VRK2: variants seen among roughly 807,000 people sequenced by gnomAD.
VRK2 encodes VRK serine/threonine kinase 2.
Under a neutral mutation model 57.6 loss-of-function variants are expected in VRK2, and 60 were observed. The observed-to-expected ratio is 1.04, with a 90% confidence interval of 0.85 to 1.29. The LOEUF is 1.29. Ranked by LOEUF, VRK2 falls within the 50% of genes most tolerant of loss-of-function variation. The probability of loss-of-function intolerance (pLI) is 0.00; values close to 1 mark genes in which losing one functional copy is unlikely to be tolerated. For synonymous variants in VRK2, 231 were observed against 199.2 expected, an observed-to-expected ratio of 1.16 and a Z score of -1.35; for missense variants, 705 against 588.1, an observed-to-expected ratio of 1.20 and a Z score of -2.06.
chr2:58,111,243 T>G (rs1675524162), intron 7 of VRK2, among the ~76,000 whole-genome samples: 1 of 152,116 alleles, frequency 6.6e-6, no homozygotes, highest in South Asian at 2.1e-4. Context: ...TGTTAAATGT[T>G]GATAATGACA....
At chr2:57,961,029 T>C (rs1671741755) in intron 1 of VRK2, among the ~76,000 whole-genome samples, 1 of 152,122 alleles carries the variant, frequency 6.6e-6, no homozygotes, top group Non-Finnish European at 1.5e-5. Flanking sequence ...GATATGGAAA[T>C]GGTAAAAATA....
At chr2:58,157,888 A>G (rs896241115) in intron 12 of VRK2, among the ~76,000 whole-genome samples, 1 of 152,196 alleles carries the variant, frequency 6.6e-6, no homozygotes, top group Non-Finnish European at 1.5e-5. Context: ...CTCTGTTCCA[A>G]TAAAACTTTA....
chr2:57,971,868 T>A (rs1227384321), intron 1 of VRK2, among the ~76,000 whole-genome samples: 1 of 151,934 alleles, frequency 6.6e-6, no homozygotes, highest in Non-Finnish European at 1.5e-5. Context: ...TCCTTAGCAA[T>A]CTCAAAGGTA....
At chr2:57,967,789 A>C (rs879850067) in intron 1 of VRK2, among the ~76,000 whole-genome samples, 7 of 150,920 alleles carry the variant, frequency 4.6e-5, no homozygotes, top group Non-Finnish European at 7.4e-5. Context: ...AAATAAAAAT[A>C]TTTGAAGGAT....
At chr2:57,925,877 T>C (rs1042696496) in intron 1 of VRK2, among the ~76,000 whole-genome samples, 2 of 151,972 alleles carry the variant, frequency 1.3e-5, no homozygotes, top group African/African-American at 4.8e-5. Context: ...CTATAAACTT[T>C]CCTCTTAGCG....
In VRK2 at chr2:58,159,395, T is replaced by A. The variant is rs1215440566; in HGVS notation, c.1229T>A (p.Leu410Ter). The stretch of plus-strand genomic sequence containing the variant: ...AAATATCAAGAGTCTCAAGAACCTT[T>A]GAATGAAGTAAACAGTTTCCCACAA... ...RQKYQESQEPLNEVNSFPQKI... is the reference protein window; with the variant it reads ...RQKYQESQEP The change falls in exon 13 of 13, where the codon TTG becomes TAG. Residue 410 changes from leucine (L) to a stop codon, truncating the protein, a stop_gained. Transcript: ENST00000340157. LOFTEE classifies it low-confidence loss of function (END_TRUNC). 1.1e-5 allele frequency: 18 copies of A among 1,613,040 alleles called. No individual in the cohort carries two copies. Among genetic ancestry groups the A allele is most frequent in the Non-Finnish European group, 1.5e-5 (18 of 1,179,632 alleles).
intron 1 of VRK2, among the ~76,000 whole-genome samples, chr2:57,931,057 T>G (rs943227562): frequency 6.6e-6 from 1 of 152,164 alleles, no homozygotes; most frequent in Non-Finnish European, 1.5e-5. Flanking sequence ...AAGGGACAAT[T>G]AAGTTGCTTC....
chr2:58,042,425 G>A (rs548608132), upstream of VRK2, among the ~76,000 whole-genome samples: 52 of 152,210 alleles, frequency 3.4e-4, no homozygotes, highest in Admixed American at 1.2e-3. Flanking sequence ...AGTGCAAATG[G>A]CCTCCTGATT....
At chr2:58,011,255 T>A (rs1322680070) in intron 1 of VRK2, among the ~76,000 whole-genome samples, 2 of 152,206 alleles carry the variant, frequency 1.3e-5, no homozygotes, top group Admixed American at 6.5e-5. Flanking sequence ...GCCATATTGG[T>A]TAGACAGAGA....
chr2:58,049,667 T>C (rs1675412470), intron 2 of VRK2, among the ~76,000 whole-genome samples: 1 of 152,028 alleles, frequency 6.6e-6, no homozygotes, highest in African/African-American at 2.4e-5. Flanking sequence ...ATAAGGAAAA[T>C]AGTAGTGATT....
chr2:58,108,825 T>C (rs1358933528), intron 7 of VRK2, among the ~76,000 whole-genome samples: 1 of 152,210 alleles, frequency 6.6e-6, no homozygotes, highest in Non-Finnish European at 1.5e-5. Flanking sequence ...GGAAAATAAC[T>C]CAGAACTTCT....
chr2:58,073,392 G>A (rs986395962), intron 2 of VRK2, among the ~76,000 whole-genome samples: 9 of 151,844 alleles, frequency 5.9e-5, no homozygotes, highest in Admixed American at 2.0e-4. Flanking sequence ...GTCAATTACT[G>A]ATGGAAGTGT....
chr2:58,018,388 T>A (rs562322985), intron 1 of VRK2, among the ~76,000 whole-genome samples: 1 of 152,226 alleles, frequency 6.6e-6, no homozygotes, highest in Non-Finnish European at 1.5e-5. Context: ...TCGTACCTTG[T>A]TAATTCTAAA....
At chr2:58,056,650 G>A (rs13432045) in intron 2 of VRK2, among the ~76,000 whole-genome samples, 3 of 152,100 alleles carry the variant, frequency 2.0e-5, no homozygotes, top group East Asian at 1.9e-4. Context: ...TCTGCATCAC[G>A]TGTTTGAGGA....
chr2:58,086,215 AAAAAT>A, intron 4 of VRK2, 119 bp from the exon 5 acceptor site: 1 of 806,116 alleles, frequency 1.2e-6, no homozygotes, highest in African/African-American at 1.8e-5. Flanking sequence ...TTGATTGAAA[AAAAAT>A]TATCTTCTAG....
intron 4 of VRK2, 196 bp downstream of exon 4, chr2:58,085,146 T>C (rs886395333): frequency 1.2e-5 from 2 of 166,642 alleles, no homozygotes; most frequent in Admixed American, 6.6e-5. Context: ...ACATAATGGG[T>C]TATATATTTT....
intron 2 of VRK2, among the ~76,000 whole-genome samples, chr2:58,073,295 G>C (rs1669606096): frequency 6.6e-6 from 1 of 152,020 alleles, no homozygotes; most frequent in Admixed American, 6.6e-5. Context: ...TGTTGGATGA[G>C]GTATTCTGTA....
chr2:57,976,818 T>A (rs1672265529), intron 1 of VRK2, among the ~76,000 whole-genome samples: 1 of 152,122 alleles, frequency 6.6e-6, no homozygotes, highest in Non-Finnish European at 1.5e-5. Context: ...CAATGGTATG[T>A]GCTAGATTGT....
At chr2:58,063,245 T>G (rs924300045) in intron 2 of VRK2, among the ~76,000 whole-genome samples, 3 of 151,596 alleles carry the variant, frequency 2.0e-5, no homozygotes, top group African/African-American at 7.3e-5. Context: ...AGTTTTGTTT[T>G]TTTTTTTTTT....
Sources: gnomAD v4.1 joint callset for allele counts (sites outside exome capture counted in the v4.1 genomes callset) on GRCh38, gnomAD v4.1.1 for gene constraint, MANE v1.5 for transcripts, NCBI Gene and HGNC (gene_info 2026-07-23, HGNC 2026-07-21) for gene names.